RBM26: variants seen among roughly 807,000 people sequenced by gnomAD.
RBM26 encodes the protein RNA binding motif protein 26.
RBM26 carries 30 observed loss-of-function variants against 123.6 expected under a neutral mutation model. The ratio of observed to expected loss-of-function variants is 0.24; its 90% CI spans 0.18 to 0.33. The LOEUF is 0.33. RBM26 is among the 10% of genes least tolerant of loss of function. The pLI is 1.00. For missense variants in RBM26, 947 were observed against 1,203.6 expected, an observed-to-expected ratio of 0.79 and a Z score of 3.15; for synonymous variants, 400 against 404.4, an observed-to-expected ratio of 0.99 and a Z score of 0.13.
intron 9 of RBM26, among the ~76,000 whole-genome samples, chr13:79,363,422 G>C (rs2074929852): frequency 6.6e-6 from 1 of 152,086 alleles, no homozygotes; most frequent in African/African-American, 2.4e-5. Context: ...AAAGAGATAA[G>C]AAAACAGAAG....
chr13:79,405,599 A>C (rs1328358784), intron 1 of RBM26, 105 bp downstream of exon 1: 1 of 688,046 alleles, frequency 1.5e-6, no homozygotes, highest in African/African-American at 1.8e-5. Flanking sequence ...ACCTCCGTTC[A>C]CCGCTTCGGC....
chr13:79,389,611 C>G (rs2077770816), intron 1 of RBM26: 1 of 152,068 alleles, frequency 6.6e-6, no homozygotes, highest in African/African-American at 2.4e-5. Context: ...CAGGGGTGTT[C>G]AGAGTGGTAT....
chr13:79,384,620 A>G (rs2077335356), intron 1 of RBM26, among the ~76,000 whole-genome samples: 1 of 152,202 alleles, frequency 6.6e-6, no homozygotes, highest in African/African-American at 2.4e-5. Context: ...ACCCTTTAAA[A>G]GCATAGAAGT....
In RBM26 at chr13:79,360,490, A is replaced by AATATATATATAT. The variant is rs141926769; in HGVS notation, c.1418-816_1418-805dup. Among the ~76,000 whole-genome samples the AATATATATATAT allele has an allele frequency of 3.1e-3, 467 of 150,032 alleles. 1 individual carries two copies. The highest frequency in any genetic ancestry group is 0.011 in the African/African-American group (444 of 41,042). On this transcript the variant is annotated intron_variant, in intron 9 of 21. Coordinates refer to ENST00000438737, the MANE Select transcript of RBM26 (RefSeq NM_001366735.2). The stretch of plus-strand genomic sequence containing the variant: ...CCCATCTACCATCACCCTCACCACA[A>AATATATATATAT]ATATATATATATATATCAATGCACA...
At chr13:79,369,122 T>C in intron 5 of RBM26, 132 bp from the exon 6 acceptor site, 1 of 513,358 alleles carries the variant, frequency 1.9e-6, no homozygotes, top group Non-Finnish European at 3.2e-6. Flanking sequence ...TCATTTTCTT[T>C]TAAAAAATAT....
rs1312318227 is a variant in RBM26 at position 79,374,659 on chromosome 13, AC to A, written c.327+2719del. 2.6e-5 allele frequency among the ~76,000 whole-genome samples: 4 copies of A among 151,728 alleles called. No homozygotes were observed. In the East Asian group the frequency reaches 7.8e-4, roughly 29 times the overall value. ...TATTCCAGCTCTCCTCCCAGACCAG[AC>A]AAAAAACCGGGTACTAATACGACCC... On this transcript the variant is annotated intron_variant, in intron 3 of 21. Coordinates refer to ENST00000438737, the MANE Select transcript of RBM26 (RefSeq NM_001366735.2).
chr13:79,330,107 C>T (rs1321642410), intron 20 of RBM26, among the ~76,000 whole-genome samples: 3 of 152,156 alleles, frequency 2.0e-5, no homozygotes, highest in Admixed American at 6.5e-5. Context: ...TATGTGAATA[C>T]ATTTTATAAT....
At chr13:79,386,566 A>C (rs2077501015) in intron 1 of RBM26, among the ~76,000 whole-genome samples, 1 of 133,582 alleles carries the variant, frequency 7.5e-6, no homozygotes, top group Non-Finnish European at 1.6e-5. Flanking sequence ...TTATGGTTAT[A>C]CATCAAGCCA....
At chr13:79,402,031 A>G (rs1163805792) in intron 1 of RBM26, among the ~76,000 whole-genome samples, 2 of 151,896 alleles carry the variant, frequency 1.3e-5, no homozygotes, top group Non-Finnish European at 2.9e-5. Context: ...TCAGGAAAAA[A>G]AAAAAAACAT....
At chr13:79,330,467 C>G (rs1346901323) in intron 20 of RBM26, among the ~76,000 whole-genome samples, 4 of 152,092 alleles carry the variant, frequency 2.6e-5, no homozygotes, top group South Asian at 2.1e-4. Context: ...AAAAATGCAG[C>G]CTTTCACAAA....
At chr13:79,362,302 T>C (rs2074790051) in intron 9 of RBM26, among the ~76,000 whole-genome samples, 1 of 152,204 alleles carries the variant, frequency 6.6e-6, no homozygotes, top group Admixed American at 6.5e-5. Flanking sequence ...AGCCTCCAAA[T>C]TAAATAAGTT....
chr13:79,332,883 T>G (rs1229990709), intron 20 of RBM26, among the ~76,000 whole-genome samples: 1 of 152,206 alleles, frequency 6.6e-6, no homozygotes, highest in Non-Finnish European at 1.5e-5. Context: ...GTTTTAATTT[T>G]TTCTCAGCCA....
chr13:79,372,872 T>TAATA (rs2076094578), intron 3 of RBM26, among the ~76,000 whole-genome samples: 2 of 26,858 alleles, frequency 7.4e-5, no homozygotes, highest in Admixed American at 6.1e-4. Flanking sequence ...AATATATTTA[T>TAATA]AATATTTTAT....
At chr13:79,316,192 G>GGTGTGTGTGTGTGTGT (rs3064578), downstream of RBM26, among the ~76,000 whole-genome samples, 963 of 142,060 alleles carry the variant, frequency 6.8e-3, 8 homozygotes, top group South Asian at 0.028. Flanking sequence ...AAGTGGGGCA[G>GGTGTGTGTGTGTGTGT]GTGTGTGTGT....
intron 3 of RBM26, among the ~76,000 whole-genome samples, chr13:79,373,158 A>AT (rs1555330906): frequency 9.9e-6 from 1 of 101,018 alleles, no homozygotes; most frequent in Non-Finnish European, 1.7e-5. Flanking sequence ...TATTTTATGT[A>AT]TTATATATTT....
At chr13:79,354,211 G>A (rs900205475) in intron 13 of RBM26, among the ~76,000 whole-genome samples, 4 of 151,312 alleles carry the variant, frequency 2.6e-5, no homozygotes, top group African/African-American at 9.7e-5. Context: ...ATTAACTGGA[G>A]AGAGGAATTT....
chr13:79,365,201 G>C (rs2075131892), intron 9 of RBM26, among the ~76,000 whole-genome samples: 1 of 152,168 alleles, frequency 6.6e-6, no homozygotes, highest in Non-Finnish European at 1.5e-5. Context: ...CCAGCACTTT[G>C]GGAAGCCAAG....
intron 17 of RBM26, among the ~76,000 whole-genome samples, chr13:79,341,506 T>C (rs2071372474): frequency 6.6e-6 from 1 of 151,788 alleles, no homozygotes; most frequent in South Asian, 2.1e-4. Context: ...AGGAAATAAC[T>C]GAAAGGAAAA....
intron 17 of RBM26, 36 bp downstream of exon 17, chr13:79,342,628 A>G (rs762819450): frequency 3.4e-6 from 5 of 1,488,082 alleles, no homozygotes; most frequent in East Asian, 2.3e-5. Context: ...ATGCTTGTTA[A>G]TAAGTAATAA....
Sources: gnomAD v4.1 joint callset for allele counts (sites outside exome capture counted in the v4.1 genomes callset) on GRCh38, gnomAD v4.1.1 for gene constraint, MANE v1.5 for transcripts, NCBI Gene and HGNC (gene_info 2026-07-23, HGNC 2026-07-21) for gene names.